NCAPG2: variants seen among roughly 807,000 people sequenced by gnomAD.
The protein encoded by NCAPG2 is non-SMC condensin II complex subunit G2, also known as condensin-2 complex subunit G2.
NCAPG2 carries 53 observed loss-of-function variants against 141.1 expected under a neutral mutation model. The ratio of observed to expected loss-of-function variants is 0.38; its 90% CI spans 0.30 to 0.47. NCAPG2 has a LOEUF of 0.47. NCAPG2 is among the 20% of genes least tolerant of loss of function. NCAPG2 has a pLI of 0.99. For synonymous variants in NCAPG2, 499 were observed against 490.7 expected (o/e 1.02, Z -0.22); for missense variants, 1,087 against 1,389.0 (o/e 0.78, Z 3.46).
chr7:158,635,832 T>G (rs1830154413), intron 27 of NCAPG2, among the ~76,000 whole-genome samples: 1 of 152,202 alleles, frequency 6.6e-6, no homozygotes, highest in Admixed American at 6.5e-5. Flanking sequence ...GAGCAAGGGG[T>G]TCCCAGATTC....
chr7:158,667,150 C>A (rs1313882747), intron 13 of NCAPG2: 3 of 985,408 alleles, frequency 3.0e-6, no homozygotes, highest in Non-Finnish European at 3.6e-6. Context: ...CCAGACACCT[C>A]ACAACCAAAT....
intron 13 of NCAPG2, 132 bp from the exon 14 acceptor site, chr7:158,664,882 A>T (rs965979661): frequency 1.5e-6 from 1 of 684,520 alleles, no homozygotes; most frequent in African/African-American, 1.8e-5. Context: ...ACTTCGAATG[A>T]CTACACCAAA....
Position 158,655,413 on chromosome 7 carries a change from G to C in NCAPG2, c.2431C>G (p.Arg811Gly), listed in dbSNP as rs369184720. ...SLLQTPGGKP[R>G]GFSEAAAPRA... is the part of the protein sequence containing the mutation. ...GGGGCAGCTGCTTCACTGAAGCCAC[G>C]AGGCTTCCCACCCGGTGTCTGCAGA... The change falls in exon 20 of 28, where the codon CGT becomes GGT. Residue 811 changes from arginine (R) to glycine (G), a missense_variant. By Grantham distance (125) the Arg-to-Gly change is moderately radical. Transcript: ENST00000356309. 1.2e-6 allele frequency: 2 copies of C among 1,613,978 alleles called. No individual in the cohort carries two copies. The highest frequency in any genetic ancestry group is 1.3e-5 in the African/African-American group (1 of 74,918).
chr7:158,667,329 G>C (rs866508610), intron 13 of NCAPG2: 1 of 194,374 alleles, frequency 5.1e-6, no homozygotes, highest in African/African-American at 8.3e-5. Flanking sequence ...GTGTCCCTCC[G>C]CTACTGTGTC....
At chr7:158,647,886 T>C (rs1405707914) in intron 24 of NCAPG2, among the ~76,000 whole-genome samples, 2 of 152,136 alleles carry the variant, frequency 1.3e-5, no homozygotes, top group African/African-American at 4.8e-5. Context: ...GGTCGCACCA[T>C]GTTGCCTAGG....
chr7:158,661,052 C>T (rs1011003974), intron 16 of NCAPG2, among the ~76,000 whole-genome samples: 14 of 152,154 alleles, frequency 9.2e-5, no homozygotes, highest in African/African-American at 3.1e-4. Flanking sequence ...ATAAATTACC[C>T]AGTCTCAGGT....
chr7:158,680,953 A>C lies in NCAPG2; in HGVS notation c.925-137T>G, dbSNP rs147616521. 1.1e-3 allele frequency: 613 copies of C among 576,040 alleles called. 2 individuals carry two copies. The highest frequency in any genetic ancestry group is 8.2e-3 in the Middle Eastern group (19 of 2,328). 35.7% of individuals were successfully genotyped at this position (576,040 alleles called of 1,614,324 possible). On this transcript the variant is annotated intron_variant, in intron 9 of 27. Transcript: ENST00000356309. ...CTCTGGCTGGCATCCACATGTCATG[A>C]CAATTCTTCAGCAGGAGTAACTTCA...
chr7:158,643,677 C>A (rs1451729307), intron 27 of NCAPG2, among the ~76,000 whole-genome samples: 1 of 152,232 alleles, frequency 6.6e-6, no homozygotes, highest in Non-Finnish European at 1.5e-5. Flanking sequence ...CAGAGCTTTA[C>A]AACGCTTCAC....
chr7:158,644,393 G>A lies in NCAPG2; in HGVS notation c.3281-5C>T. 6.2e-7 allele frequency: 1 copy of A among 1,607,246 alleles called. No homozygotes were observed. On this transcript the variant is annotated splice_region_variant and splice_polypyrimidine_tract_variant and intron_variant, in intron 26 of 27. Transcript: ENST00000356309. ...CTTTTGAGCTTTTATGTTTACCTGG[G>A]AAAATTATATTAAAAGACAGAAAAG... is the stretch of plus-strand genomic sequence containing the variant.
intron 27 of NCAPG2, chr7:158,641,567 A>G: frequency 1.6e-6 from 1 of 625,574 alleles, no homozygotes. Context: ...TGGAAAAAAA[A>G]AAAAAAAGGA....
chr7:158,654,517 T>G, intron 22 of NCAPG2, 78 bp downstream of exon 22: 33 of 1,368,238 alleles, frequency 2.4e-5, no homozygotes, highest in Middle Eastern at 1.9e-4. Context: ...GTGAGAGTTC[T>G]GAGCTACACA....
intron 17 of NCAPG2, among the ~76,000 whole-genome samples, chr7:158,657,902 A>G (rs1832125612): frequency 6.6e-6 from 1 of 151,980 alleles, no homozygotes; most frequent in Non-Finnish European, 1.5e-5. Context: ...TCAGAGTTAA[A>G]TGGATTAAGG....
At chr7:158,648,757 C>G (rs77601155) in intron 24 of NCAPG2, among the ~76,000 whole-genome samples, 1 of 15,262 alleles carries the variant, frequency 6.6e-5, no homozygotes, top group Non-Finnish European at 1.5e-4. Context: ...CCAAATGGAC[C>G]ACAACCACGC....
chr7:158,699,926 G>GTTATTTAT (rs146349286), intron 2 of NCAPG2, among the ~76,000 whole-genome samples: 78 of 151,544 alleles, frequency 5.1e-4, no homozygotes, highest in African/African-American at 1.7e-3. Flanking sequence ...ATCTCTCTGG[G>GTTATTTAT]TTATTTATTT....
chr7:158,656,003 ATCC>A (rs1454816473), intron 19 of NCAPG2, among the ~76,000 whole-genome samples: 2 of 152,218 alleles, frequency 1.3e-5, no homozygotes, highest in African/African-American at 4.8e-5. Context: ...CACTGGGGCC[ATCC>A]TCCTGAGTCC....
intron 2 of NCAPG2, among the ~76,000 whole-genome samples, chr7:158,694,784 CTCT>C (rs1442782657): frequency 6.6e-6 from 1 of 151,892 alleles, no homozygotes; most frequent in South Asian, 2.1e-4. Context: ...TTGTTTTCTC[CTCT>C]TCTTAGCGCT....
chr7:158,686,486 T>C (rs923516663), intron 7 of NCAPG2, among the ~76,000 whole-genome samples: 1 of 152,210 alleles, frequency 6.6e-6, no homozygotes, highest in Non-Finnish European at 1.5e-5. Flanking sequence ...CCCAAAACTT[T>C]ACTATTTTCT....
At chr7:158,699,172 T>C (rs1835638296) in intron 2 of NCAPG2, among the ~76,000 whole-genome samples, 1 of 152,190 alleles carries the variant, frequency 6.6e-6, no homozygotes, top group South Asian at 2.1e-4. Flanking sequence ...AACTTTTCTT[T>C]GTGTGTACTA....
At chr7:158,702,978 C>T (rs985946426) in intron 1 of NCAPG2, among the ~76,000 whole-genome samples, 3 of 152,146 alleles carry the variant, frequency 2.0e-5, no homozygotes, top group African/African-American at 4.8e-5. Context: ...TTTTACTGTG[C>T]TTTTTCTATG....
Sources: allele counts gnomAD v4.1 joint callset (sites outside exome capture counted in the v4.1 genomes callset), GRCh38; gene constraint gnomAD v4.1.1; transcripts MANE v1.5; gene names NCBI Gene and HGNC (gene_info 2026-07-23, HGNC 2026-07-21).